The following ADD3 variants were observed in gnomAD, a reference collection of about 807,000 sequenced individuals.
The protein encoded by ADD3 is adducin 3, also known as gamma-adducin.
Under a neutral mutation model 80.2 loss-of-function variants are expected in ADD3, and 25 were observed. That is an observed-to-expected ratio of 0.31 (90% CI 0.23 to 0.44). The LOEUF is 0.44. ADD3 is among the 20% of genes least tolerant of loss of function. The probability of loss-of-function intolerance (pLI) is 1.00; values close to 1 mark genes in which losing one functional copy is unlikely to be tolerated. For missense variants in ADD3, 829 were observed against 847.5 expected, an observed-to-expected ratio of 0.98 and a Z score of 0.27; for synonymous variants, 284 against 289.6, an observed-to-expected ratio of 0.98 and a Z score of 0.20.
At chr10:110,116,973 T>C (rs1276848174) in intron 4 of ADD3, among the ~76,000 whole-genome samples, 1 of 152,208 alleles carries the variant, frequency 6.6e-6, no homozygotes. Flanking sequence ...GAAGAGATTT[T>C]GTTCTCTTTC....
rs182766952 is a variant in ADD3, at chr10:110,093,237, C to G, written c.-29-7388C>G. On this transcript the variant is annotated intron_variant, in intron 1 of 14. Transcript: ENST00000356080. ...ATTCTGTGATTGCTTTAAAATGTTTCATTAAATTACTGCTTTTGTAGTTTA... is the reference window on the plus strand; with the variant it reads ...ATTCTGTGATTGCTTTAAAATGTTTGATTAAATTACTGCTTTTGTAGTTTA... Among the ~76,000 whole-genome samples the G allele has an allele frequency of 1.8e-4, 27 of 152,310 alleles. No individual in the cohort carries two copies. In the East Asian group the frequency reaches 5.2e-3, roughly 29 times the overall value.
At position 110,126,499 on chromosome 10, in the gene ADD3, C is replaced by G; in HGVS notation, c.1604C>G (p.Pro535Arg). 1 of 1,609,866 alleles carries G rather than the reference C, an allele frequency of 6.2e-7. No homozygotes were observed. The highest frequency in any genetic ancestry group is 8.5e-7 in the Non-Finnish European group (1 of 1,176,786). The change falls in exon 12 of 15, where the codon CCT becomes CGT. Residue 535 changes from proline to arginine, a missense_variant. Transcript: ENST00000356080. ...GCTGGAATTGTTGTGGATAAGCCACCTTCTGTAAGTTTATGAAGTAGTATG... is the reference window on the plus strand; with the variant it reads ...GCTGGAATTGTTGTGGATAAGCCACGTTCTGTAAGTTTATGAAGTAGTATG... The part of the protein sequence containing the change: ...LLAGIVVDKP[P>R]STMQFEDDDH...
chr10:110,051,401 G>A (rs1857498121), intron 1 of ADD3, among the ~76,000 whole-genome samples: 2 of 152,162 alleles, frequency 1.3e-5, no homozygotes, highest in Admixed American at 6.5e-5. Flanking sequence ...AAACTATACA[G>A]TGGTTCCTCC....
intron 1 of ADD3, among the ~76,000 whole-genome samples, chr10:110,065,277 T>G (rs926136763): frequency 3.3e-5 from 5 of 152,114 alleles, no homozygotes; most frequent in African/African-American, 7.2e-5. Context: ...TTTGAATATA[T>G]TTCTTTGTCT....
At chr10:110,119,180 G>A (rs1488271106) in intron 6 of ADD3, 31 bp from the exon 7 acceptor site, 3 of 1,609,958 alleles carry the variant, frequency 1.9e-6, no homozygotes, top group African/African-American at 2.7e-5. Context: ...GTAACCAAAT[G>A]TGTTATCTTG....
At chr10:110,038,617 T>C (rs767021930) in intron 1 of ADD3, among the ~76,000 whole-genome samples, 1 of 152,240 alleles carries the variant, frequency 6.6e-6, no homozygotes, top group Non-Finnish European at 1.5e-5. Flanking sequence ...AAAAGCACGT[T>C]GTCTTGATGC....
At chr10:110,005,028 A>C (rs12572168), upstream of ADD3, among the ~76,000 whole-genome samples, 21,686 of 151,976 alleles carry the variant, frequency 0.14, 1,924 homozygotes, top group East Asian at 0.4. Context: ...ATTATTTTAG[A>C]TATATTTTGT....
intron 1 of ADD3, among the ~76,000 whole-genome samples, chr10:110,057,743 A>G (rs1271761530): frequency 6.6e-6 from 1 of 152,198 alleles, no homozygotes; most frequent in African/African-American, 2.4e-5. Flanking sequence ...AAAATGGTAA[A>G]CAGTAGGCAC....
intron 1 of ADD3, among the ~76,000 whole-genome samples, chr10:110,017,363 T>C (rs890905225): frequency 7.2e-5 from 11 of 152,234 alleles, no homozygotes; most frequent in African/African-American, 2.4e-4. Flanking sequence ...TCAGGACGTA[T>C]ACATGAGATG....
chr10:110,041,463 A>G (rs1856352458), intron 1 of ADD3, among the ~76,000 whole-genome samples: 2 of 152,148 alleles, frequency 1.3e-5, no homozygotes. Context: ...AAGGTATCAG[A>G]CCCCTTTGTG....
At chr10:110,016,201 A>G (rs1367712125) in intron 1 of ADD3, among the ~76,000 whole-genome samples, 1 of 152,178 alleles carries the variant, frequency 6.6e-6, no homozygotes, top group African/African-American at 2.4e-5. Context: ...AGTGCCATCT[A>G]CTGAATGGCC....
Position 110,119,218 on chromosome 10 carries a change from C to T in ADD3, c.725C>T (p.Ser242Phe), listed in dbSNP as rs375290612. 1 of 1,614,034 alleles carries T rather than the reference C, an allele frequency of 6.2e-7. No homozygotes were observed. Among genetic ancestry groups the T allele is most frequent in the Non-Finnish European group, 8.5e-7 (1 of 1,179,966 alleles). Residue 242 changes from serine (S) to phenylalanine (F), a missense_variant, in exon 7 of 15, where the codon TCC becomes TTC. By Grantham distance (155) the Ser-to-Phe change is radical. Transcript: ENST00000356080. ...IHTLATAAVS[S>F]MKCGILPISQ... ...ATGGGCCAAACCAAATAGGTATCCTCCATGAAATGTGGGATCCTTCCAATT... is the reference window on the plus strand; with the variant it reads ...ATGGGCCAAACCAAATAGGTATCCTTCATGAAATGTGGGATCCTTCCAATT...
intron 10 of ADD3, among the ~76,000 whole-genome samples, chr10:110,124,938 T>TA (rs1221061402): frequency 3.9e-5 from 6 of 152,202 alleles, no homozygotes; most frequent in Admixed American, 3.9e-4. Context: ...GTGATTTTGT[T>TA]AAACTAATCA....
rs1457973780 is a variant in ADD3, at chr10:110,014,863, T to G, written c.-30+6564T>G. Among the ~76,000 whole-genome samples the G allele has an allele frequency of 2.6e-5, 4 of 152,054 alleles. No individual in the cohort carries two copies. The South Asian group carries it at 8.3e-4, about 32-fold the overall frequency. ...TTTTTATTGTCAGAGTTGAGTTCACTTTCCTAAGGGAAGGTAGAATTTTTT... is the reference window on the plus strand; with the variant it reads ...TTTTTATTGTCAGAGTTGAGTTCACGTTCCTAAGGGAAGGTAGAATTTTTT... On this transcript the variant is annotated intron_variant, in intron 1 of 14. Coordinates refer to ENST00000356080, the MANE Select transcript of ADD3 (RefSeq NM_016824.5).
At chr10:110,032,351 A>G (rs984358584) in intron 1 of ADD3, among the ~76,000 whole-genome samples, 1 of 152,114 alleles carries the variant, frequency 6.6e-6, no homozygotes, top group African/African-American at 2.4e-5. Flanking sequence ...GAGTGCTCTT[A>G]AAGGGTGGAT....
rs761931587 is a variant in ADD3, at chr10:110,100,772, A to T, written c.119A>T (p.Asn40Ile). 1.2e-6 allele frequency: 2 copies of T among 1,613,992 alleles called. No individual in the cohort carries two copies. Among genetic ancestry groups the T allele is most frequent in the Non-Finnish European group, 1.7e-6 (2 of 1,179,930 alleles). Residue 40 changes from asparagine to isoleucine, a missense_variant, in exon 2 of 15, where the codon AAC becomes ATC. By Grantham distance (149) the Asn-to-Ile change is moderately radical. Transcript: ENST00000356080. The stretch of plus-strand genomic sequence containing the variant: ...GACCCAGAATACATTAGGGAGAGGA[A>T]CATGTCTCCTGATCTACGACAAGAC... ...ENDPEYIRER[N>I]MSPDLRQDFN...
intron 1 of ADD3, chr10:109,997,588 C>T (rs961257036): frequency 6.6e-6 from 1 of 152,192 alleles, no homozygotes; most frequent in Non-Finnish European, 1.5e-5. Context: ...ATAAGTCAAA[C>T]GAGACAGAAG....
chr10:110,093,251 T>C (rs575761383), intron 1 of ADD3, among the ~76,000 whole-genome samples: 23 of 152,356 alleles, frequency 1.5e-4, no homozygotes, highest in Admixed American at 1.4e-3. Flanking sequence ...AAATTACTGC[T>C]TTTGTAGTTT....
intron 1 of ADD3, among the ~76,000 whole-genome samples, chr10:110,040,358 C>T (rs59339754): frequency 0.14 from 21,696 of 152,038 alleles, 1,912 homozygotes; most frequent in East Asian, 0.4. Flanking sequence ...ATTAATAGGC[C>T]AGCTTACCTG....
Sources: allele counts gnomAD v4.1 joint callset (sites outside exome capture counted in the v4.1 genomes callset), GRCh38; gene constraint gnomAD v4.1.1; transcripts MANE v1.5; gene names NCBI Gene and HGNC (gene_info 2026-07-23, HGNC 2026-07-21).